The following ANKS1B variants were observed in gnomAD, a reference collection of about 807,000 sequenced individuals.
ANKS1B encodes the protein ankyrin repeat and sterile alpha motif domain containing 1B, also known as ankyrin repeat and sterile alpha motif domain-containing protein 1B.
ANKS1B carries 36 observed loss-of-function variants against 148.3 expected under a neutral mutation model. That is an observed-to-expected ratio of 0.24 (90% confidence interval 0.19 to 0.32). The LOEUF is 0.32. Ranked by LOEUF, ANKS1B falls within the 10% of genes least tolerant of loss-of-function variation. ANKS1B has a pLI of 1.00. For missense variants in ANKS1B, 1,157 were observed against 1,542.6 expected (o/e 0.75, Z 4.19); for synonymous variants, 542 against 560.8 (o/e 0.97, Z 0.47).
chr12:99,919,104 G>A (rs558813207), intron 1 of ANKS1B, among the ~76,000 whole-genome samples: 1 of 152,190 alleles, frequency 6.6e-6, no homozygotes, highest in South Asian at 2.1e-4. Flanking sequence ...CTATGCTTGA[G>A]GCATCAGAAT....
At chr12:98,896,588 C>A (rs1039336220) in intron 17 of ANKS1B, among the ~76,000 whole-genome samples, 1 of 152,316 alleles carries the variant, frequency 6.6e-6, no homozygotes, top group South Asian at 2.1e-4. Flanking sequence ...CTGAAACCGC[C>A]CTTTTAGCAA....
intron 11 of ANKS1B, among the ~76,000 whole-genome samples, chr12:99,441,764 C>T (rs1336043728): frequency 6.6e-6 from 1 of 151,778 alleles, no homozygotes. Context: ...ACGACAGCAC[C>T]AAGAAATTGG....
chr12:99,714,373 A>G (rs2057026266), intron 8 of ANKS1B, among the ~76,000 whole-genome samples: 1 of 152,028 alleles, frequency 6.6e-6, no homozygotes, highest in African/African-American at 2.4e-5. Context: ...ACCTCATTTT[A>G]TTGTGCTTTG....
At chr12:99,217,455 T>C (rs1163279431) in intron 14 of ANKS1B, among the ~76,000 whole-genome samples, 1 of 152,140 alleles carries the variant, frequency 6.6e-6, no homozygotes, top group Non-Finnish European at 1.5e-5. Flanking sequence ...TCATTCTGAC[T>C]GCCTGGATGT....
intron 10 of ANKS1B, among the ~76,000 whole-genome samples, chr12:99,457,452 C>T (rs1219530530): frequency 4.0e-5 from 6 of 151,698 alleles, no homozygotes; most frequent in Non-Finnish European, 8.8e-5. Flanking sequence ...ATGTAAATGG[C>T]CTAAATGATC....
intron 17 of ANKS1B, among the ~76,000 whole-genome samples, chr12:98,906,839 T>A (rs1030968986): frequency 3.3e-5 from 5 of 152,192 alleles, no homozygotes; most frequent in Admixed American, 6.5e-5. Context: ...TTTAAATAAT[T>A]TTTGTTTTTA....
At chr12:98,948,726 TTC>T (rs144897567) in intron 17 of ANKS1B, among the ~76,000 whole-genome samples, 1,630 of 143,862 alleles carry the variant, frequency 0.011, 7 homozygotes, top group East Asian at 0.046. Context: ...TTATGCCAAT[TTC>T]TCTCTCTCTC....
intron 16 of ANKS1B, among the ~76,000 whole-genome samples, chr12:99,070,052 T>C (rs1261600774): frequency 6.6e-6 from 1 of 152,186 alleles, no homozygotes; most frequent in East Asian, 1.9e-4. Context: ...TAATTTAGAG[T>C]TAATCTGAAG....
At chr12:99,351,130 C>G (rs1044935383) in intron 12 of ANKS1B, among the ~76,000 whole-genome samples, 1 of 152,036 alleles carries the variant, frequency 6.6e-6, no homozygotes, top group Non-Finnish European at 1.5e-5. Flanking sequence ...TGTGAGTCTG[C>G]TGATGGGCAG....
At chr12:98,791,044 A>G (rs2098844181) in intron 22 of ANKS1B, among the ~76,000 whole-genome samples, 1 of 152,214 alleles carries the variant, frequency 6.6e-6, no homozygotes, top group Non-Finnish European at 1.5e-5. Flanking sequence ...GTAGGCCCGT[A>G]AGAAAACATT....
At chr12:98,944,789 A>G (rs888972363) in intron 17 of ANKS1B, among the ~76,000 whole-genome samples, 2 of 152,242 alleles carry the variant, frequency 1.3e-5, no homozygotes, top group Non-Finnish European at 1.5e-5. Context: ...ACATCTCCAC[A>G]GTATCAGTTG....
intron 9 of ANKS1B, among the ~76,000 whole-genome samples, chr12:99,614,822 T>C (rs190020659): frequency 6.6e-6 from 1 of 152,124 alleles, no homozygotes; most frequent in Admixed American, 6.5e-5. Context: ...GTAGTAATAT[T>C]TCTAGGATTT....
chr12:99,142,091 G>A (rs1051742875), intron 15 of ANKS1B, among the ~76,000 whole-genome samples: 7 of 152,064 alleles, frequency 4.6e-5, no homozygotes, highest in East Asian at 1.9e-4. Context: ...TGCAGAGTGA[G>A]AAGAGAAGAG....
At chr12:99,493,217 A>G (rs929934745) in intron 10 of ANKS1B, among the ~76,000 whole-genome samples, 32 of 152,226 alleles carry the variant, frequency 2.1e-4, no homozygotes, top group African/African-American at 7.5e-4. Context: ...ATAAGCAAAA[A>G]TAGTAGTTAA....
chr12:99,003,598 C>T lies in ANKS1B; in HGVS notation c.2778+49559G>A, dbSNP rs192491902. 6.6e-4 allele frequency among the ~76,000 whole-genome samples: 101 copies of T among 152,266 alleles called. No individual in the cohort carries two copies. In the East Asian group the frequency reaches 0.011, roughly 17 times the overall value. ...TAAAGTTTGATATTCTATCTTTTAA[C>T]GTTTACAGGAATTTGAAATTGTATA... On this transcript the variant is annotated intron_variant, in intron 17 of 26. Transcript: ENST00000683438.
At chr12:99,718,714 C>T (rs368919440) in intron 8 of ANKS1B, among the ~76,000 whole-genome samples, 1 of 152,310 alleles carries the variant, frequency 6.6e-6, no homozygotes, top group East Asian at 1.9e-4. Flanking sequence ...TTCAATACCT[C>T]CCTCAACAAC....
At chr12:99,167,130 C>A (rs2077262395) in intron 14 of ANKS1B, among the ~76,000 whole-genome samples, 1 of 151,772 alleles carries the variant, frequency 6.6e-6, no homozygotes, top group Non-Finnish European at 1.5e-5. Context: ...ATAGGCCTAC[C>A]CATACAATCT....
At chr12:99,129,922 T>C (rs1189123844) in intron 15 of ANKS1B, among the ~76,000 whole-genome samples, 4 of 152,232 alleles carry the variant, frequency 2.6e-5, no homozygotes, top group Non-Finnish European at 2.9e-5. Context: ...AAGAACGGGA[T>C]GAATGCTTAT....
chr12:99,798,437 A>C (rs1206970455), intron 4 of ANKS1B, among the ~76,000 whole-genome samples: 37 of 151,004 alleles, frequency 2.5e-4, no homozygotes, highest in African/African-American at 7.3e-4. Context: ...AAAAAAAAAA[A>C]AAAAAACAAA....
Sources: gnomAD v4.1 joint callset for allele counts (sites outside exome capture counted in the v4.1 genomes callset) on GRCh38, gnomAD v4.1.1 for gene constraint, MANE v1.5 for transcripts, NCBI Gene and HGNC (gene_info 2026-07-23, HGNC 2026-07-21) for gene names.